Variants in EPB41L3 observed in about 807,000 individuals in gnomAD.
The protein encoded by EPB41L3 is band 4.1-like protein 3.
In EPB41L3, 57 loss-of-function variants were observed where a neutral mutation model predicts 127.1. The observed-to-expected ratio is 0.45, with a 90% CI of 0.36 to 0.56. The LOEUF (loss-of-function observed/expected upper bound fraction) is 0.56, where lower values mean the gene tolerates loss of function less well. Among genes scored for constraint, EPB41L3 ranks in the 20% least tolerant of loss-of-function variants. The probability of loss-of-function intolerance (pLI) is 0.00; values close to 1 mark genes in which losing one functional copy is unlikely to be tolerated. For synonymous variants in EPB41L3, 572 were observed against 549.5 expected (o/e 1.04, Z -0.57); for missense variants, 1,273 against 1,372.2 (o/e 0.93, Z 1.14).
At chr18:5,544,096 C>T (rs952928495), upstream of EPB41L3, 3 of 985,528 alleles carry the variant, frequency 3.0e-6, no homozygotes, top group Non-Finnish European at 3.6e-6. Flanking sequence ...GCGGCGGGGG[C>T]CCACGCCCAG....
chr18:5,582,805 T>G (rs960756451), intron 3 of EPB41L3, among the ~76,000 whole-genome samples: 1 of 152,178 alleles, frequency 6.6e-6, no homozygotes, highest in Non-Finnish European at 1.5e-5. Flanking sequence ...TCATAAAAAT[T>G]TAAATATCCC....
chr18:5,485,388 T>C (rs944292519), intron 2 of EPB41L3, among the ~76,000 whole-genome samples: 2 of 151,906 alleles, frequency 1.3e-5, no homozygotes, highest in African/African-American at 4.8e-5. Flanking sequence ...CAAATTAGCA[T>C]TGTATTGAAT....
At chr18:5,426,412 G>T (rs1431120973) in intron 9 of EPB41L3, among the ~76,000 whole-genome samples, 1 of 151,914 alleles carries the variant, frequency 6.6e-6, no homozygotes, top group East Asian at 1.9e-4. Flanking sequence ...CTGTCTCTAC[G>T]ACCTGCTGCT....
chr18:5,561,125 C>T (rs1224012560), intron 3 of EPB41L3, among the ~76,000 whole-genome samples: 1 of 149,342 alleles, frequency 6.7e-6, no homozygotes, highest in Non-Finnish European at 1.5e-5. Flanking sequence ...CTACAGGCGC[C>T]CGCCACTACG....
At chr18:5,507,969 C>T (rs764007045) in intron 1 of EPB41L3, among the ~76,000 whole-genome samples, 10 of 152,140 alleles carry the variant, frequency 6.6e-5, no homozygotes, top group Admixed American at 1.3e-4. Context: ...TTTCCAGTAA[C>T]GTGCTTACAT....
At chr18:5,501,673 A>G (rs1448898797) in intron 1 of EPB41L3, among the ~76,000 whole-genome samples, 2 of 152,208 alleles carry the variant, frequency 1.3e-5, no homozygotes, top group East Asian at 3.8e-4. Flanking sequence ...GAGGAAATGG[A>G]GGACTCTTCT....
intron 3 of EPB41L3, among the ~76,000 whole-genome samples, chr18:5,460,636 T>TGATG (rs1387325810): frequency 6.6e-6 from 1 of 152,246 alleles, no homozygotes; most frequent in East Asian, 1.9e-4. Flanking sequence ...GAGATGTTTC[T>TGATG]GATGGCTGTT....
intron 9 of EPB41L3, among the ~76,000 whole-genome samples, chr18:5,427,551 T>G (rs2145486282): frequency 6.6e-6 from 1 of 152,306 alleles, no homozygotes; most frequent in Middle Eastern, 3.4e-3. Flanking sequence ...TATAGAACAT[T>G]GATATAATTC....
chr18:5,458,488 C>T (rs2083451988), intron 3 of EPB41L3, among the ~76,000 whole-genome samples: 1 of 152,156 alleles, frequency 6.6e-6, no homozygotes. Context: ...GTTATCAACA[C>T]ACCTGGATCT....
intron 3 of EPB41L3, among the ~76,000 whole-genome samples, chr18:5,452,564 C>G (rs1464382710): frequency 6.6e-6 from 1 of 152,114 alleles, no homozygotes. Context: ...GAGATGGGGT[C>G]TTTCTATGCT....
At chr18:5,594,657 T>G (rs963240617) in intron 3 of EPB41L3, among the ~76,000 whole-genome samples, 4 of 152,184 alleles carry the variant, frequency 2.6e-5, no homozygotes, top group African/African-American at 9.7e-5. Context: ...GAAGGCAGAC[T>G]AAAAAACCAG....
intron 2 of EPB41L3, among the ~76,000 whole-genome samples, chr18:5,483,789 T>G (rs776022743): frequency 6.6e-6 from 1 of 151,844 alleles, no homozygotes; most frequent in African/African-American, 2.4e-5. Context: ...CAAATATCTA[T>G]GCACCTAACA....
intron 3 of EPB41L3, among the ~76,000 whole-genome samples, chr18:5,565,112 T>A (rs2094181079): frequency 6.6e-6 from 1 of 151,992 alleles, no homozygotes; most frequent in Non-Finnish European, 1.5e-5. Context: ...CTCAGGGTTT[T>A]TGGGCTGGCC....
At chr18:5,500,368 C>T (rs1012405678) in intron 1 of EPB41L3, among the ~76,000 whole-genome samples, 6 of 152,114 alleles carry the variant, frequency 3.9e-5, no homozygotes, top group African/African-American at 1.4e-4. Context: ...GAGGTGTGAA[C>T]CACAGAGAGT....
Position 5,423,504 on chromosome 18 carries a change from T to C in EPB41L3, c.1213A>G (p.Lys405Glu). 6.2e-7 allele frequency: 1 copy of C among 1,613,528 alleles called. No individual in the cohort carries two copies. The highest frequency in any genetic ancestry group is 8.5e-7 in the Non-Finnish European group (1 of 1,179,628). Residue 405 changes from lysine to glutamate, a missense_variant, in exon 11 of 23, where the codon AAG becomes GAG. Coordinates refer to ENST00000341928, the MANE Select transcript of EPB41L3 (RefSeq NM_012307.5). ...TGTGTCCTGCCACTATAACGAAACTTGGAACCCAAGGTTAGGAATTTCTTG... is the reference window on the plus strand; with the variant it reads ...TGTGTCCTGCCACTATAACGAAACTCGGAACCCAAGGTTAGGAATTTCTTG... ...PPKKFLTLGS[K>E]FRYSGRTQAQ... is the part of the protein sequence containing the mutation.
intron 9 of EPB41L3, among the ~76,000 whole-genome samples, chr18:5,427,656 A>G (rs2078382297): frequency 6.6e-6 from 1 of 152,240 alleles, no homozygotes; most frequent in Non-Finnish European, 1.5e-5. Flanking sequence ...TGCAGGACAA[A>G]CAGAAAGAGC....
Position 5,554,307 on chromosome 18 carries a change from AT to A in EPB41L3, c.-306+58032del, listed in dbSNP as rs1598934439. On this transcript the variant is annotated intron_variant, in intron 3 of 21. Coordinates refer to the EPB41L3 transcript ENST00000545076. ...GAACAGTGCCTGGCATGGAGAAGGC[AT>A]TCAATCTATGTGTGTTGAATGAAAG... Among the ~76,000 whole-genome samples the A allele has an allele frequency of 5.3e-5, 8 of 152,208 alleles. 1 individual carries two copies. Among genetic ancestry groups the A allele is most frequent in the Admixed American group, 4.6e-4 (7 of 15,282 alleles).
At chr18:5,610,157 G>GT in intron 3 of EPB41L3, 1 of 985,324 alleles carries the variant, frequency 1.0e-6, no homozygotes, top group Non-Finnish European at 1.2e-6. Context: ...CATTATCCAC[G>GT]TCCCAACAAG....
chr18:5,517,658 G>C (rs958978311), intron 1 of EPB41L3, among the ~76,000 whole-genome samples: 1 of 151,978 alleles, frequency 6.6e-6, no homozygotes, highest in African/African-American at 2.4e-5. Context: ...GGCTAGTCTC[G>C]AACTCCTGAC....
Sources: allele counts gnomAD v4.1 joint callset (sites outside exome capture counted in the v4.1 genomes callset), GRCh38; gene constraint gnomAD v4.1.1; transcripts MANE v1.5; gene names NCBI Gene and HGNC (gene_info 2026-07-23, HGNC 2026-07-21).